The following SLC25A18 variants were observed in gnomAD, a reference collection of about 807,000 sequenced individuals.
The protein encoded by SLC25A18 is solute carrier family 25 member 18.
SLC25A18 carries 24 observed loss-of-function variants against 31.1 expected under a neutral mutation model. That is an observed-to-expected ratio of 0.77 (90% CI 0.56 to 1.08). The LOEUF (loss-of-function observed/expected upper bound fraction) is 1.08. Ranked by LOEUF, SLC25A18 falls within the 50% of genes least tolerant of loss-of-function variation. The pLI is 0.00. For synonymous variants in SLC25A18, 173 were observed against 161.9 expected, an observed-to-expected ratio of 1.07 and a Z score of -0.52; for missense variants, 371 against 418.5, an observed-to-expected ratio of 0.89 and a Z score of 0.99.
At chr22:17,582,256 G>A in intron 5 of SLC25A18, 1 of 192,928 alleles carries the variant, frequency 5.2e-6, no homozygotes, top group Non-Finnish European at 1.1e-5. Context: ...GGCGCCTGTA[G>A]TCCCAGCTAC....
At position 17,579,757 on chromosome 22, in the gene SLC25A18, C is replaced by A; in HGVS notation, c.-188C>A. ...GACTACTTTGCAGGGGAGGAAGCCG[C>A]AGCCCAAGGAGGTCGTCACTTGCCG... On this transcript the variant is annotated 5_prime_UTR_variant, in exon 3 of 11. Transcript: ENST00000327451. The A allele has an allele frequency of 7.2e-7, 1 of 1,392,402 alleles. No individual in the cohort carries two copies. The highest frequency in any genetic ancestry group is 9.3e-7 in the Non-Finnish European group (1 of 1,074,266). The allele number at this position is 1,392,402 out of a possible 1,614,324, so 86.3% of individuals were successfully genotyped here.
intron 2 of SLC25A18, among the ~76,000 whole-genome samples, chr22:17,577,404 C>T (rs1431726622): frequency 2.6e-5 from 4 of 151,060 alleles, no homozygotes; most frequent in East Asian, 2.0e-4. Flanking sequence ...GTGATCCGCC[C>T]GCCTCAGCCT....
chr22:17,570,044 C>A, intron 2 of SLC25A18, 58 bp downstream of exon 2: 1 of 960,828 alleles, frequency 1.0e-6, no homozygotes, highest in Non-Finnish European at 1.2e-6. Flanking sequence ...ACTCTTCTAG[C>A]AAATAAACCA....
chr22:17,583,594 A>T (rs1377441027), intron 7 of SLC25A18, 60 bp downstream of exon 7: 1 of 1,570,160 alleles, frequency 6.4e-7, no homozygotes, highest in Non-Finnish European at 8.6e-7. Flanking sequence ...AACCAGGCAC[A>T]TCCCACATCC....
At chr22:17,585,646 TATTA>T (rs1201726522) in intron 7 of SLC25A18, among the ~76,000 whole-genome samples, 1 of 132,354 alleles carries the variant, frequency 7.6e-6, no homozygotes. Flanking sequence ...TTATTATTAT[TATTA>T]TTTTTTTTTT....
chr22:17,580,888 C>G (rs1200963211), intron 3 of SLC25A18, 149 bp from the exon 4 acceptor site: 42 of 1,424,390 alleles, frequency 2.9e-5, no homozygotes, highest in Non-Finnish European at 3.9e-5. Flanking sequence ...TGGACCAGAC[C>G]TGGGCCAGGG....
At position 17,566,561 on chromosome 22, in the gene SLC25A18, T is replaced by C. The variant is rs555533305; in HGVS notation, c.-264+2848T>C. 4.6e-5 allele frequency among the ~76,000 whole-genome samples: 7 copies of C among 152,254 alleles called. No individual in the cohort carries two copies. The South Asian group carries it at 1.5e-3, about 32-fold the overall frequency. ...CCAAATAGCTGGGATTACAGGCATG[T>C]GCCACCATGCCCAGTTAATTTTGTA... is the stretch of plus-strand genomic sequence containing the variant. On this transcript the variant is annotated intron_variant, in intron 1 of 10. Coordinates refer to ENST00000327451, the MANE Select transcript of SLC25A18 (RefSeq NM_031481.3).
At chr22:17,572,413 AG>A (rs34691946) in intron 2 of SLC25A18, among the ~76,000 whole-genome samples, 19,405 of 148,222 alleles carry the variant, frequency 0.13, 1,627 homozygotes, top group Non-Finnish European at 0.18. Context: ...TGAACTCTGG[AG>A]GTGAAGGTTG....
intron 5 of SLC25A18, chr22:17,581,909 C>T (rs1601318404): frequency 6.1e-6 from 1 of 163,534 alleles, no homozygotes; most frequent in African/African-American, 2.4e-5. Context: ...AGCTAGCAGC[C>T]AATGGGACTG....
At position 17,590,130 on chromosome 22, in the gene SLC25A18, T is replaced by C; in HGVS notation, c.842T>C (p.Met281Thr). 2 of 1,614,252 alleles carry C rather than the reference T, an allele frequency of 1.2e-6. No homozygotes were observed. The highest frequency in any genetic ancestry group is 1.7e-6 in the Non-Finnish European group (2 of 1,180,050). ...LWIQEGPSAF[M>T]KGAGCRALVI... is the part of the protein sequence containing the mutation. ...ATTCAGGAGGGACCATCTGCCTTCA[T>C]GAAAGGCGCTGGCTGCCGGGCACTG... The change falls in exon 11 of 11, where the codon ATG becomes ACG. Residue 281 changes from methionine to threonine, a missense_variant. Met to Thr is a moderately conservative substitution (Grantham distance 81). Transcript: ENST00000327451.
chr22:17,565,048 ACT>A (rs1286096495), intron 1 of SLC25A18, among the ~76,000 whole-genome samples: 1 of 151,342 alleles, frequency 6.6e-6, no homozygotes, highest in Non-Finnish European at 1.5e-5. Context: ...CTCATTTGTC[ACT>A]CTGTGCAGAC....
intron 2 of SLC25A18, among the ~76,000 whole-genome samples, chr22:17,578,638 A>T (rs1333499589): frequency 6.6e-6 from 1 of 152,216 alleles, no homozygotes; most frequent in Non-Finnish European, 1.5e-5. Flanking sequence ...GGGTTAAAGC[A>T]GCCTCACTCT....
At chr22:17,573,791 A>AC (rs1266472967) in intron 2 of SLC25A18, among the ~76,000 whole-genome samples, 5 of 151,770 alleles carry the variant, frequency 3.3e-5, no homozygotes, top group Non-Finnish European at 5.9e-5. Context: ...TCTCCCAGTA[A>AC]CCCTTGTTCT....
At chr22:17,581,253 G>A (rs1316776573) in intron 4 of SLC25A18, 94 bp downstream of exon 4, 1 of 1,579,850 alleles carries the variant, frequency 6.3e-7, no homozygotes, top group East Asian at 2.3e-5. Context: ...GCGTGAGCCT[G>A]GGGGCTGGGG....
chr22:17,579,170 A>G lies in SLC25A18; in HGVS notation c.-200-575A>G, dbSNP rs1009671622. ...GTGGTGTGATCTCGGCTCCACCACA[A>G]CCTCTGTCTCCTGGATTCAAGCAAT... On this transcript the variant is annotated intron_variant, in intron 2 of 10. Coordinates refer to ENST00000327451, the MANE Select transcript of SLC25A18 (RefSeq NM_031481.3). 6.0e-5 allele frequency among the ~76,000 whole-genome samples: 9 copies of G among 149,986 alleles called. No homozygotes were observed. The Middle Eastern group carries it at 0.014, about 228-fold the overall frequency.
rs374642264 is a variant in SLC25A18, at chr22:17,583,448, C to A, written c.323C>A (p.Ala108Asp). 18 of 1,613,970 alleles carry A rather than the reference C, an allele frequency of 1.1e-5. No individual in the cohort carries two copies. The highest frequency in any genetic ancestry group is 1.5e-5 in the Non-Finnish European group (18 of 1,180,022). ...CGGAACCTGAAGATGGAGATGCTTG[C>A]CGGGTGTGGGGCTGGGATGTGCCAG... ...MQRNLKMEML[A>D]GCGAGMCQVV... The change falls in exon 7 of 11, where the codon GCC becomes GAC. Residue 108 changes from alanine to aspartate, a missense_variant. Coordinates refer to ENST00000327451, the MANE Select transcript of SLC25A18 (RefSeq NM_031481.3).
intron 2 of SLC25A18, among the ~76,000 whole-genome samples, chr22:17,577,999 G>A (rs576939589): frequency 2.1e-5 from 3 of 143,844 alleles, no homozygotes; most frequent in African/African-American, 7.7e-5. Flanking sequence ...TTTCTTCTTT[G>A]GGGGGCATAG....
In SLC25A18 at chr22:17,583,523, C is replaced by G. The variant is rs756053825; in HGVS notation, c.398C>G (p.Ala133Gly). Residue 133 changes from alanine to glycine, a missense_variant, in exon 7 of 11, where the codon GCT (alanine) becomes GGT (glycine). Transcript: ENST00000327451. Reference protein sequence around the residue: ...MEMLKIQLQDAGRLAVHHQGS... With the variant: ...MEMLKIQLQDGGRLAVHHQGS... ...ATGCTCAAGATTCAGCTGCAGGATGCTGGACGCCTGGGTGAGGCCTGTCCC... is the reference window on the plus strand; with the variant it reads ...ATGCTCAAGATTCAGCTGCAGGATGGTGGACGCCTGGGTGAGGCCTGTCCC... 6.2e-7 allele frequency: 1 copy of G among 1,613,716 alleles called. No individual in the cohort carries two copies. Among genetic ancestry groups the G allele is most frequent in the South Asian group, 1.1e-5 (1 of 91,082 alleles).
intron 2 of SLC25A18, among the ~76,000 whole-genome samples, chr22:17,577,969 G>A (rs1052170356): frequency 2.2e-5 from 3 of 139,192 alleles, no homozygotes; most frequent in Non-Finnish European, 4.6e-5. Context: ...GAGCCACTGC[G>A]CCCTGCTTCT....
Sources: allele counts gnomAD v4.1 joint callset (sites outside exome capture counted in the v4.1 genomes callset), GRCh38; gene constraint gnomAD v4.1.1; transcripts MANE v1.5; gene names NCBI Gene and HGNC (gene_info 2026-07-23, HGNC 2026-07-21).